Variants in FAM13A observed in about 807,000 individuals in gnomAD.
FAM13A encodes the protein family with sequence similarity 13 member A.
FAM13A carries 76 observed loss-of-function variants against 129.6 expected under a neutral mutation model. The ratio of observed to expected loss-of-function variants is 0.59; its 90% CI spans 0.49 to 0.71. The LOEUF is 0.71. FAM13A is among the 30% of genes least tolerant of loss of function. The pLI is 0.00. For synonymous variants in FAM13A, 443 were observed against 449.9 expected (o/e 0.98, Z 0.20); for missense variants, 1,108 against 1,249.3 (o/e 0.89, Z 1.70).
intron 4 of FAM13A, among the ~76,000 whole-genome samples, chr4:88,977,586 T>C (rs1364213313): frequency 6.6e-6 from 1 of 152,186 alleles, no homozygotes; most frequent in Non-Finnish European, 1.5e-5. Context: ...GAAATTCAAA[T>C]TACAATGCAT....
intron 4 of FAM13A, among the ~76,000 whole-genome samples, chr4:88,939,108 A>G (rs965119508): frequency 2.0e-5 from 3 of 152,236 alleles, no homozygotes; most frequent in Non-Finnish European, 4.4e-5. Context: ...ACCATAAACT[A>G]AGTGGCTTAA....
chr4:88,738,652 T>C (rs554927424), intron 20 of FAM13A, among the ~76,000 whole-genome samples: 34 of 152,312 alleles, frequency 2.2e-4, no homozygotes, highest in Non-Finnish European at 3.5e-4. Flanking sequence ...GGAGGGACTA[T>C]GAGCAGAGGG....
At chr4:88,845,921 T>C (rs750701691) in intron 7 of FAM13A, among the ~76,000 whole-genome samples, 4 of 152,234 alleles carry the variant, frequency 2.6e-5, no homozygotes, top group Non-Finnish European at 5.9e-5. Flanking sequence ...GAAAAGTGAT[T>C]TATTATGTTT....
intron 5 of FAM13A, among the ~76,000 whole-genome samples, chr4:88,923,519 C>T (rs1233083045): frequency 2.6e-5 from 4 of 152,330 alleles, no homozygotes; most frequent in South Asian, 4.1e-4. Flanking sequence ...ATGCTAAAAA[C>T]TCTCAATAAG....
At chr4:88,987,655 C>T (rs1318192334) in intron 4 of FAM13A, among the ~76,000 whole-genome samples, 1 of 151,100 alleles carries the variant, frequency 6.6e-6, no homozygotes, top group South Asian at 2.1e-4. Context: ...GAGATCGAGA[C>T]CATGGTGAAA....
chr4:88,878,939 C>G (rs1743064031), intron 6 of FAM13A, among the ~76,000 whole-genome samples: 1 of 152,152 alleles, frequency 6.6e-6, no homozygotes, highest in Non-Finnish European at 1.5e-5. Flanking sequence ...CTAGGATATC[C>G]TACTAAAGTC....
At chr4:88,883,454 AT>A (rs1316246748) in intron 6 of FAM13A, among the ~76,000 whole-genome samples, 1 of 152,118 alleles carries the variant, frequency 6.6e-6, no homozygotes, top group Non-Finnish European at 1.5e-5. Context: ...TAAAAAATTC[AT>A]TGAACTCAAT....
intron 4 of FAM13A, among the ~76,000 whole-genome samples, chr4:88,974,008 G>A (rs74971054): frequency 1.8e-4 from 28 of 152,272 alleles, no homozygotes; most frequent in African/African-American, 6.5e-4. Context: ...TTCCTCGAAG[G>A]CAACCCTTTA....
chr4:88,787,995 T>C (rs1037308914), intron 9 of FAM13A, 63 bp from the exon 10 acceptor site: 208 of 1,370,184 alleles, frequency 1.5e-4, no homozygotes, highest in Middle Eastern at 4.1e-4. Flanking sequence ...CCTTAAAAAA[T>C]CTGTGCCTAC....
At chr4:88,840,480 G>C (rs143908890) in intron 7 of FAM13A, among the ~76,000 whole-genome samples, 73 of 152,072 alleles carry the variant, frequency 4.8e-4, no homozygotes, top group Admixed American at 9.8e-4. Context: ...TGATATAAAG[G>C]ATGGAGGTAG....
intron 6 of FAM13A, among the ~76,000 whole-genome samples, chr4:88,887,751 T>G (rs1477771923): frequency 5.3e-5 from 8 of 152,140 alleles, no homozygotes; most frequent in African/African-American, 1.9e-4. Context: ...CAGGCTGGTC[T>G]CAAACTCCTG....
chr4:88,949,299 C>G (rs890113940), intron 4 of FAM13A, among the ~76,000 whole-genome samples: 1 of 152,154 alleles, frequency 6.6e-6, no homozygotes, highest in Non-Finnish European at 1.5e-5. Flanking sequence ...TTCACCCAAG[C>G]CCGAATACAC....
chr4:89,025,298 C>T (rs1036158768), intron 2 of FAM13A, among the ~76,000 whole-genome samples: 15 of 125,376 alleles, frequency 1.2e-4, no homozygotes, highest in African/African-American at 3.9e-4. Context: ...CGCTCTGTCG[C>T]CCAGGCCGGA....
intron 13 of FAM13A, among the ~76,000 whole-genome samples, chr4:88,760,781 G>A (rs1005209095): frequency 1.3e-5 from 2 of 151,558 alleles, no homozygotes; most frequent in African/African-American, 4.8e-5. Flanking sequence ...CCCAAATCTA[G>A]TTCTCAGCTT....
At chr4:88,791,880 C>G (rs1725243559) in intron 8 of FAM13A, among the ~76,000 whole-genome samples, 1 of 152,090 alleles carries the variant, frequency 6.6e-6, no homozygotes, top group African/African-American at 2.4e-5. Context: ...CTCCCTCCCA[C>G]TACCACCACC....
chr4:88,894,493 A>G (rs1236164281), intron 6 of FAM13A, among the ~76,000 whole-genome samples: 1 of 152,188 alleles, frequency 6.6e-6, no homozygotes, highest in African/African-American at 2.4e-5. Flanking sequence ...CAGTGTTCCT[A>G]TAATAACATG....
chr4:88,965,044 A>G lies in FAM13A; in HGVS notation c.605+25929T>C, dbSNP rs1041869159. 2.0e-5 allele frequency among the ~76,000 whole-genome samples: 3 copies of G among 152,230 alleles called. No individual in the cohort carries two copies. In the East Asian group the frequency reaches 5.8e-4, roughly 29 times the overall value. On this transcript the variant is annotated intron_variant, in intron 4 of 23. Transcript: ENST00000264344. Reference sequence around the variant, plus strand: ...TGACATAATGGGGGGAAAATCACACAGTACAACTCTACATCTTTTACGTCT... The same window carrying G: ...TGACATAATGGGGGGAAAATCACACGGTACAACTCTACATCTTTTACGTCT...
intron 4 of FAM13A, among the ~76,000 whole-genome samples, chr4:88,986,673 CTTTA>C (rs1262440391): frequency 7.2e-5 from 11 of 152,240 alleles, no homozygotes; most frequent in African/African-American, 2.6e-4. Context: ...TGTTGTGACA[CTTTA>C]TTTATATCTA....
chr4:88,770,736 C>T (rs1454201285), intron 11 of FAM13A, among the ~76,000 whole-genome samples: 1 of 151,834 alleles, frequency 6.6e-6, no homozygotes, highest in Non-Finnish European at 1.5e-5. Flanking sequence ...GTGTTAGGAA[C>T]TACAGAATAA....
Sources: allele counts gnomAD v4.1 joint callset (sites outside exome capture counted in the v4.1 genomes callset), GRCh38; gene constraint gnomAD v4.1.1; transcripts MANE v1.5; gene names NCBI Gene and HGNC (gene_info 2026-07-23, HGNC 2026-07-21).